The following RAF1 variants were observed in gnomAD, a reference collection of about 807,000 sequenced individuals.
RAF1 encodes Raf-1 proto-oncogene, serine/threonine kinase.
In RAF1, 27 loss-of-function variants were observed where a neutral mutation model predicts 81.1. The ratio of observed to expected loss-of-function variants is 0.33; its 90% CI spans 0.25 to 0.46. The LOEUF (loss-of-function observed/expected upper bound fraction) is 0.46. RAF1 is among the 20% of genes least tolerant of loss of function. The probability of loss-of-function intolerance (pLI) is 1.00; values close to 1 mark genes in which losing one functional copy is unlikely to be tolerated. For missense variants in RAF1, 598 were observed against 826.0 expected (o/e 0.72, Z 3.38); for synonymous variants, 298 against 294.0 (o/e 1.01, Z -0.14).
At chr3:12,626,494 G>A (rs1378765936) in intron 1 of RAF1, among the ~76,000 whole-genome samples, 1 of 151,472 alleles carries the variant, frequency 6.6e-6, no homozygotes, top group African/African-American at 2.4e-5. Context: ...GGGAGACTGA[G>A]GTGGGAGGAT....
intron 1 of RAF1, among the ~76,000 whole-genome samples, chr3:12,638,973 G>A (rs1194633670): frequency 1.3e-5 from 2 of 151,796 alleles, no homozygotes; most frequent in African/African-American, 4.8e-5. Flanking sequence ...TGCATATGTT[G>A]AACCAGCCTT....
chr3:12,602,764 TCTC>T (rs2058901090), intron 8 of RAF1, among the ~76,000 whole-genome samples: 2 of 152,176 alleles, frequency 1.3e-5, no homozygotes, highest in Non-Finnish European at 2.9e-5. Flanking sequence ...TTATACATGA[TCTC>T]CTCACAATAG....
At chr3:12,613,177 T>G (rs1324887937) in intron 2 of RAF1, among the ~76,000 whole-genome samples, 1 of 152,164 alleles carries the variant, frequency 6.6e-6, no homozygotes, top group African/African-American at 2.4e-5. Context: ...GTGCCCAGGA[T>G]ACTCACAATT....
chr3:12,612,562 T>C (rs919934713), intron 2 of RAF1, among the ~76,000 whole-genome samples: 14 of 151,280 alleles, frequency 9.3e-5, no homozygotes, highest in African/African-American at 3.4e-4. Context: ...GGTAGGAGAA[T>C]TGCTGGAACC....
chr3:12,656,487 G>GT (rs2060698541), intron 1 of RAF1, among the ~76,000 whole-genome samples: 1 of 152,182 alleles, frequency 6.6e-6, no homozygotes, highest in South Asian at 2.1e-4. Flanking sequence ...TTTGAATTTA[G>GT]TAAGTGTAGC....
At chr3:12,645,109 A>T (rs891439072) in intron 1 of RAF1, among the ~76,000 whole-genome samples, 4 of 151,264 alleles carry the variant, frequency 2.6e-5, no homozygotes, top group South Asian at 2.1e-4. Flanking sequence ...AAAAAAAAAA[A>T]AAAAAAAAAA....
chr3:12,661,525 G>A (rs1575695892), intron 1 of RAF1, among the ~76,000 whole-genome samples: 3 of 150,800 alleles, frequency 2.0e-5, no homozygotes, highest in South Asian at 2.1e-4. Context: ...TGGCCAACAC[G>A]ACAAAACCCC....
At chr3:12,623,967 G>A (rs1031498042) in intron 1 of RAF1, among the ~76,000 whole-genome samples, 1 of 150,876 alleles carries the variant, frequency 6.6e-6, no homozygotes, top group Non-Finnish European at 1.5e-5. Flanking sequence ...AAATTCTCCC[G>A]CTGCAGCCTT....
At chr3:12,585,021 G>T (rs746309156) in intron 16 of RAF1, 40 bp from the exon 16 acceptor site, 1 of 1,613,744 alleles carries the variant, frequency 6.2e-7, no homozygotes, top group South Asian at 1.1e-5. Context: ...GGGGGTGAAT[G>T]AACAACAGAT....
chr3:12,617,885 AAAAAAAAGAAAAG>A, intron 2 of RAF1, among the ~76,000 whole-genome samples: 1 of 148,290 alleles, frequency 6.7e-6, no homozygotes, highest in East Asian at 1.9e-4. Flanking sequence ...TCTCAAAAAA[AAAAAAAAGAAAAG>A]AAAAAGAAAA....
intron 6 of RAF1, among the ~76,000 whole-genome samples, chr3:12,604,720 G>A (rs1167646897): frequency 6.6e-6 from 1 of 152,152 alleles, no homozygotes; most frequent in Non-Finnish European, 1.5e-5. Context: ...GAGCATGTCT[G>A]TAAAAAGGCC....
chr3:12,639,554 C>A (rs1024281652), intron 1 of RAF1, among the ~76,000 whole-genome samples: 3 of 152,140 alleles, frequency 2.0e-5, no homozygotes, highest in African/African-American at 7.2e-5. Flanking sequence ...GTGCAAAAAT[C>A]CCAAGCATTC....
rs1306373715 is a variant in RAF1 at position 12,584,505 on chromosome 3, C to T, written c.*9G>A. On this transcript the variant is annotated 3_prime_UTR_variant, in exon 18 of 18. Coordinates refer to ENST00000442415, the MANE Select transcript of RAF1 (RefSeq NM_001354689.3). Reference sequence around the variant, plus strand: ...TCCCCTGGCAGCCTGAAGACAGGTGCAAAGTCAACTAGAAGACAGGCAGCC... The same window carrying T: ...TCCCCTGGCAGCCTGAAGACAGGTGTAAAGTCAACTAGAAGACAGGCAGCC... The T allele has an allele frequency of 6.2e-7, 1 of 1,614,082 alleles. No individual in the cohort carries two copies. The highest frequency in any genetic ancestry group is 1.3e-5 in the African/African-American group (1 of 74,920).
chr3:12,642,324 AC>A (rs1259811878), intron 1 of RAF1, among the ~76,000 whole-genome samples: 1 of 146,582 alleles, frequency 6.8e-6, no homozygotes, highest in Non-Finnish European at 1.5e-5. Context: ...AAACAAAAAA[AC>A]AAAAACAAAC....
In RAF1 at chr3:12,663,814, T is replaced by G; in HGVS notation, c.-28A>C. 7.6e-6 allele frequency: 3 copies of G among 397,284 alleles called. No individual in the cohort carries two copies. The highest frequency in any genetic ancestry group is 1.3e-5 in the Non-Finnish European group (3 of 225,346). 24.6% of individuals were successfully genotyped at this position (397,284 alleles called of 1,614,324 possible). On this transcript the variant is annotated splice_region_variant and 5_prime_UTR_variant, in exon 1 of 18. Coordinates refer to ENST00000442415, the MANE Select transcript of RAF1 (RefSeq NM_001354689.3). ...CCACGACCCGGTCCTGCCACCTACCTGAGGGAGCCAGGCCGCCCCAACGTC... is the reference window on the plus strand; with the variant it reads ...CCACGACCCGGTCCTGCCACCTACCGGAGGGAGCCAGGCCGCCCCAACGTC...
At chr3:12,587,281 CATTTA>C (rs1344625043) in intron 14 of RAF1, 1 of 412,744 alleles carries the variant, frequency 2.4e-6, no homozygotes, top group Non-Finnish European at 4.4e-6. Context: ...CGTCAGGTTA[CATTTA>C]CTAATAGTGT....
chr3:12,649,589 T>TCA (rs3072126), intron 1 of RAF1, among the ~76,000 whole-genome samples: 6,105 of 150,420 alleles, frequency 0.041, 151 homozygotes, highest in Non-Finnish European at 0.063. Context: ...CCAGAGACTG[T>TCA]CACACACACA....
At chr3:12,600,471 G>A (rs2125382284) in intron 8 of RAF1, 56 bp from the exon 8 acceptor site, 2 of 1,593,836 alleles carry the variant, frequency 1.3e-6, no homozygotes, top group Non-Finnish European at 1.7e-6. Context: ...TTTCTCTGGG[G>A]GAGGGAAAAA....
chr3:12,619,484 G>C (rs2059485280), intron 1 of RAF1, among the ~76,000 whole-genome samples: 1 of 150,568 alleles, frequency 6.6e-6, no homozygotes, highest in Admixed American at 6.6e-5. Flanking sequence ...GAAATCACTT[G>C]AACCCAGGAG....
Sources: gnomAD v4.1 joint callset for allele counts (sites outside exome capture counted in the v4.1 genomes callset) on GRCh38, gnomAD v4.1.1 for gene constraint, MANE v1.5 for transcripts, NCBI Gene and HGNC (gene_info 2026-07-23, HGNC 2026-07-21) for gene names.